PAK3: variants seen among roughly 807,000 people sequenced by gnomAD.
The protein encoded by PAK3 is serine/threonine-protein kinase PAK 3.
Under a neutral mutation model 41.0 loss-of-function variants are expected in PAK3, and 4 were observed. That is an observed-to-expected ratio of 0.10 (90% CI 0.05 to 0.22). The LOEUF is 0.22. Among genes scored for constraint, PAK3 ranks in the 10% least tolerant of loss-of-function variants. The probability of loss-of-function intolerance (pLI) is 1.00; values close to 1 mark genes in which losing one functional copy is unlikely to be tolerated. For synonymous variants in PAK3, 146 were observed against 139.6 expected (o/e 1.05, Z -0.32); for missense variants, 205 against 409.9 (o/e 0.50, Z 4.32).
intron 4 of PAK3, among the ~76,000 whole-genome samples, chrX:111,114,874 T>C (rs2093435499): frequency 8.9e-6 from 1 of 112,410 alleles, no homozygotes; most frequent in African/African-American, 3.2e-5. Flanking sequence ...TCCGCAGGAA[T>C]GAGTCAAGAA....
At chrX:111,219,563 G>A (rs776869747) in intron 17 of PAK3, among the ~76,000 whole-genome samples, 8 of 110,917 alleles carry the variant, frequency 7.2e-5, no homozygotes, top group Non-Finnish European at 1.3e-4. Context: ...TTTAAATGTT[G>A]AATTTAAGGT....
At chrX:110,992,691 T>C (rs1428105578) in intron 1 of PAK3, among the ~76,000 whole-genome samples, 3 of 111,080 alleles carry the variant, frequency 2.7e-5, no homozygotes, top group Non-Finnish European at 5.7e-5. Context: ...TCATTCCGCC[T>C]CGACTAAAAC....
chrX:111,218,400 A>T (rs1033471467), intron 17 of PAK3, among the ~76,000 whole-genome samples: 5 of 112,458 alleles, frequency 4.4e-5, no homozygotes, highest in African/African-American at 1.6e-4. Flanking sequence ...TTCAACCCAA[A>T]GAGCTGTTCA....
chrX:111,183,393 C>T (rs2094479016), intron 11 of PAK3, among the ~76,000 whole-genome samples: 1 of 111,324 alleles, frequency 9.0e-6, no homozygotes, highest in African/African-American at 3.3e-5. Flanking sequence ...TGACTATGAC[C>T]TCATTAGCAC....
intron 16 of PAK3, among the ~76,000 whole-genome samples, chrX:111,208,823 A>T (rs764596796): frequency 3.6e-5 from 4 of 111,831 alleles, no homozygotes; most frequent in African/African-American, 1.3e-4. Context: ...GAGATGATTT[A>T]AAGTATAGGG....
chrX:110,995,316 T>C (rs954859631), intron 1 of PAK3, among the ~76,000 whole-genome samples: 11 of 111,360 alleles, frequency 9.9e-5, no homozygotes, highest in African/African-American at 3.6e-4. Flanking sequence ...GCCCCCTTTC[T>C]AGGGCAAGTC....
intron 16 of PAK3, 148 bp downstream of exon 16, chrX:111,196,788 G>T: frequency 2.7e-6 from 1 of 374,718 alleles, no homozygotes; most frequent in Non-Finnish European, 4.7e-6. Context: ...CAAATTTACT[G>T]TAAGCTTTTT....
chrX:111,146,238 T>A (rs1349082506), intron 6 of PAK3, among the ~76,000 whole-genome samples: 2 of 112,211 alleles, frequency 1.8e-5, no homozygotes, highest in East Asian at 5.6e-4. Flanking sequence ...AATCATTTAA[T>A]GGTAATTCTT....
At chrX:110,971,954 T>A (rs1351661805) in intron 1 of PAK3, among the ~76,000 whole-genome samples, 1 of 111,511 alleles carries the variant, frequency 9.0e-6, no homozygotes, top group Non-Finnish European at 1.9e-5. Context: ...ATAAAACTTC[T>A]TGGCACCCTT....
At chrX:111,217,476 A>G (rs762112747) in intron 17 of PAK3, 16 of 948,976 alleles carry the variant, frequency 1.7e-5, no homozygotes, top group Middle Eastern at 3.0e-4. Context: ...TATACAGCGC[A>G]TTAACCACAG....
chrX:111,038,500 G>A (rs774142004), intron 1 of PAK3, among the ~76,000 whole-genome samples: 1 of 111,944 alleles, frequency 8.9e-6, no homozygotes, highest in Non-Finnish European at 1.9e-5. Flanking sequence ...ATAATGAGGT[G>A]TATGGGACTC....
At chrX:111,000,644 G>T (rs757397786) in intron 1 of PAK3, among the ~76,000 whole-genome samples, 1 of 112,013 alleles carries the variant, frequency 8.9e-6, no homozygotes, top group African/African-American at 3.2e-5. Context: ...TAATTTCCTG[G>T]TTTCAATAAT....
intron 8 of PAK3, among the ~76,000 whole-genome samples, chrX:111,155,756 G>A (rs1313034735): frequency 1.8e-5 from 2 of 111,429 alleles, no homozygotes; most frequent in South Asian, 3.8e-4. Context: ...ATGAGATTTC[G>A]ATCTGTGAAG....
chrX:111,027,926 A>C (rs2092292624), intron 1 of PAK3, among the ~76,000 whole-genome samples: 1 of 108,245 alleles, frequency 9.2e-6, no homozygotes, highest in Non-Finnish European at 1.9e-5. Context: ...CGAAATGCCC[A>C]TCAATCAATG....
intron 1 of PAK3, among the ~76,000 whole-genome samples, chrX:110,966,693 T>A (rs911436284): frequency 9.0e-6 from 1 of 111,024 alleles, no homozygotes; most frequent in African/African-American, 3.3e-5. Context: ...TGTTACACCA[T>A]TTTGAAGTGT....
intron 11 of PAK3, among the ~76,000 whole-genome samples, chrX:111,182,243 C>T (rs1196530751): frequency 9.0e-6 from 1 of 110,871 alleles, no homozygotes; most frequent in East Asian, 2.8e-4. Flanking sequence ...CGAGAGTTAT[C>T]TGGCCTTTCC....
intron 1 of PAK3, among the ~76,000 whole-genome samples, chrX:111,026,457 T>C: frequency 8.9e-6 from 1 of 111,843 alleles, no homozygotes; most frequent in East Asian, 2.8e-4. Context: ...TTCGGCAAAG[T>C]TTTAGGATAC....
chrX:110,988,484 C>G (rs1457970477), intron 1 of PAK3, among the ~76,000 whole-genome samples: 1 of 111,831 alleles, frequency 8.9e-6, no homozygotes, highest in South Asian at 3.7e-4. Context: ...GTATATACAT[C>G]GTTTGTGTGT....
intron 1 of PAK3, among the ~76,000 whole-genome samples, chrX:111,002,266 G>A (rs779342144): frequency 9.0e-6 from 1 of 111,684 alleles, no homozygotes; most frequent in Non-Finnish European, 1.9e-5. Flanking sequence ...TTAAAATTGA[G>A]GTAAGTGAGG....
Sources: gnomAD v4.1 joint callset for allele counts (sites outside exome capture counted in the v4.1 genomes callset) on GRCh38, gnomAD v4.1.1 for gene constraint, MANE v1.5 for transcripts, NCBI Gene and HGNC (gene_info 2026-07-23, HGNC 2026-07-21) for gene names.